Variants in TNRC6C observed in about 807,000 individuals in gnomAD.
The protein encoded by TNRC6C is trinucleotide repeat-containing gene 6C protein.
TNRC6C carries 20 observed loss-of-function variants against 153.7 expected under a neutral mutation model. The ratio of observed to expected loss-of-function variants is 0.13; its 90% CI spans 0.09 to 0.19. The LOEUF is 0.19. TNRC6C is among the 10% of genes least tolerant of loss of function. The probability of loss-of-function intolerance (pLI) is 1.00; values close to 1 mark genes in which losing one functional copy is unlikely to be tolerated. For synonymous variants in TNRC6C, 811 were observed against 841.4 expected, an observed-to-expected ratio of 0.96 and a Z score of 0.63; for missense variants, 1,987 against 2,172.0, an observed-to-expected ratio of 0.91 and a Z score of 1.69.
chr17:78,046,217 T>C (rs2072406802), intron 2 of TNRC6C, among the ~76,000 whole-genome samples: 1 of 151,794 alleles, frequency 6.6e-6, no homozygotes, highest in Non-Finnish European at 1.5e-5. Context: ...AGTCTCACTG[T>C]GTTGCCCAGG....
chr17:78,028,967 TCACTGTTTG>T (rs1416194152), intron 1 of TNRC6C, among the ~76,000 whole-genome samples: 1 of 152,248 alleles, frequency 6.6e-6, no homozygotes, highest in African/African-American at 2.4e-5. Flanking sequence ...ACTACTCGAA[TCACTGTTTG>T]CATTCGGCAT....
intron 1 of TNRC6C, among the ~76,000 whole-genome samples, chr17:77,960,387 C>T (rs1361870493): frequency 8.5e-5 from 13 of 152,170 alleles, no homozygotes; most frequent in Admixed American, 8.5e-4. Flanking sequence ...TCGGCCAGTA[C>T]AAGGTAGCCA....
intron 1 of TNRC6C, among the ~76,000 whole-genome samples, chr17:77,978,880 A>T (rs1473565858): frequency 6.6e-6 from 1 of 152,226 alleles, no homozygotes; most frequent in Non-Finnish European, 1.5e-5. Flanking sequence ...GCTGAAATAG[A>T]TTAAAGTGAT....
chr17:78,086,772 A>G, intron 12 of TNRC6C, 81 bp from the exon 15 acceptor site: 1 of 1,581,668 alleles, frequency 6.3e-7, no homozygotes, highest in Non-Finnish European at 8.6e-7. Flanking sequence ...CATAAAGACA[A>G]TGAAGAATGC....
chr17:78,025,304 CGTA>C, intron 1 of TNRC6C, among the ~76,000 whole-genome samples: 1 of 152,294 alleles, frequency 6.6e-6, no homozygotes, highest in East Asian at 1.9e-4. Flanking sequence ...CAAAATGTCA[CGTA>C]GTTGGAATCA....
chr17:78,097,691 TCATGAACCCGGA>T (rs1166869157), intron 16 of TNRC6C, 42 bp from the exon 19 acceptor site: 2 of 1,313,680 alleles, frequency 1.5e-6, no homozygotes, highest in East Asian at 5.2e-5. Flanking sequence ...ACAGTTAGAG[TCATGAACCCGGA>T]CACCGCCACC....
chr17:77,968,757 A>AT (rs1433262210), intron 1 of TNRC6C, among the ~76,000 whole-genome samples: 1 of 152,166 alleles, frequency 6.6e-6, no homozygotes, highest in African/African-American at 2.4e-5. Context: ...TTAACTTGTG[A>AT]TTTTCCAACT....
chr17:78,084,322 A>AG (rs1356884370), intron 11 of TNRC6C, among the ~76,000 whole-genome samples: 10 of 149,576 alleles, frequency 6.7e-5, no homozygotes, highest in East Asian at 2.0e-4. Context: ...ATCATGAAGG[A>AG]GAAAAAAAAA....
chr17:78,091,672 TATAG>T, intron 14 of TNRC6C, 65 bp downstream of exon 16: 1 of 1,337,198 alleles, frequency 7.5e-7, no homozygotes, highest in Non-Finnish European at 9.6e-7. Context: ...CGTCCTGTTG[TATAG>T]CATGGCCATT....
intron 14 of TNRC6C, among the ~76,000 whole-genome samples, chr17:78,092,159 T>C (rs1211928365): frequency 2.0e-5 from 3 of 152,210 alleles, no homozygotes; most frequent in African/African-American, 7.2e-5. Context: ...TAAATTTAAC[T>C]CTGAACTTCC....
At chr17:78,083,997 G>A (rs940156587) in intron 11 of TNRC6C, among the ~76,000 whole-genome samples, 4 of 152,072 alleles carry the variant, frequency 2.6e-5, no homozygotes, top group African/African-American at 9.7e-5. Context: ...AAATGACCAG[G>A]AATCGGCCGG....
At chr17:78,102,615 G>A in intron 18 of TNRC6C, 71 bp downstream of exon 21, 1 of 1,470,610 alleles carries the variant, frequency 6.8e-7, no homozygotes, top group South Asian at 1.2e-5. Context: ...CAATGCAGAT[G>A]AGGCTGTCTG....
At chr17:78,034,129 C>T (rs1237063732) in intron 2 of TNRC6C, among the ~76,000 whole-genome samples, 1 of 152,136 alleles carries the variant, frequency 6.6e-6, no homozygotes, top group Non-Finnish European at 1.5e-5. Flanking sequence ...TTTTGGCTCA[C>T]CACAACCTCT....
At chr17:77,971,269 A>G (rs1054586818) in intron 1 of TNRC6C, among the ~76,000 whole-genome samples, 4 of 152,206 alleles carry the variant, frequency 2.6e-5, no homozygotes, top group African/African-American at 9.7e-5. Flanking sequence ...AAGTGCTTGA[A>G]TTGGTTTCTG....
intron 1 of TNRC6C, among the ~76,000 whole-genome samples, chr17:78,023,778 C>T (rs2143593262): frequency 6.6e-6 from 1 of 151,166 alleles, no homozygotes; most frequent in Non-Finnish European, 1.5e-5. Context: ...TACACTTCAG[C>T]TTGGGCAACG....
chr17:77,984,286 C>G (rs543038263), intron 1 of TNRC6C, among the ~76,000 whole-genome samples: 1 of 151,350 alleles, frequency 6.6e-6, no homozygotes, highest in African/African-American at 2.4e-5. Flanking sequence ...TTTGGGAAAC[C>G]GAGGCAGGAT....
chr17:78,065,023 C>T, intron 4 of TNRC6C, 86 bp downstream of exon 6: 5 of 1,408,216 alleles, frequency 3.6e-6, no homozygotes, highest in Middle Eastern at 2.5e-4. Flanking sequence ...TTTTAGGATA[C>T]TTTCCTCATT....
intron 9 of TNRC6C, among the ~76,000 whole-genome samples, chr17:78,078,329 A>G (rs969963782): frequency 1.3e-5 from 2 of 152,218 alleles, no homozygotes; most frequent in African/African-American, 4.8e-5. Context: ...AAGCTGTGCA[A>G]TACCTTACCT....
At chr17:78,045,489 G>T (rs1273292785) in intron 2 of TNRC6C, among the ~76,000 whole-genome samples, 1 of 152,168 alleles carries the variant, frequency 6.6e-6, no homozygotes, top group Admixed American at 6.5e-5. Flanking sequence ...TGAGTAGGCG[G>T]CGTCATTGTA....
Sources: allele counts gnomAD v4.1 joint callset (sites outside exome capture counted in the v4.1 genomes callset), GRCh38; gene constraint gnomAD v4.1.1; transcripts MANE v1.5; gene names NCBI Gene and HGNC (gene_info 2026-07-23, HGNC 2026-07-21).